Variants in MTSS1 observed in about 807,000 individuals in gnomAD.
MTSS1 encodes the protein protein MTSS 1.
Under a neutral mutation model 79.0 loss-of-function variants are expected in MTSS1, and 18 were observed. The ratio of observed to expected loss-of-function variants is 0.23; its 90% CI spans 0.16 to 0.34. The LOEUF (loss-of-function observed/expected upper bound fraction) is 0.34, where lower values mean the gene tolerates loss of function less well. Ranked by LOEUF, MTSS1 falls within the 10% of genes least tolerant of loss-of-function variation. MTSS1 has a pLI of 1.00. For synonymous variants in MTSS1, 341 were observed against 368.6 expected, an observed-to-expected ratio of 0.93 and a Z score of 0.86; for missense variants, 815 against 986.2, an observed-to-expected ratio of 0.83 and a Z score of 2.33.
intron 1 of MTSS1, among the ~76,000 whole-genome samples, chr8:124,718,613 C>T (rs942245413): frequency 2.0e-5 from 3 of 152,202 alleles, no homozygotes; most frequent in African/African-American, 7.2e-5. Context: ...TGGCTGCGTG[C>T]TCGGCTGCAG....
chr8:124,707,142 G>A (rs762597134), intron 1 of MTSS1, among the ~76,000 whole-genome samples: 8 of 152,044 alleles, frequency 5.3e-5, no homozygotes, highest in Admixed American at 1.3e-4. Context: ...ACCATCTCTC[G>A]GCTACACAAG....
At chr8:124,679,499 A>G (rs1825805504) in intron 3 of MTSS1, among the ~76,000 whole-genome samples, 1 of 152,198 alleles carries the variant, frequency 6.6e-6, no homozygotes, top group Non-Finnish European at 1.5e-5. Context: ...AAAGTTATAC[A>G]TATTAAGGTG....
Position 124,585,149 on chromosome 8 carries a change from G to C in MTSS1, c.398C>G (p.Ala133Gly). Residue 133 changes from alanine to glycine, a missense_variant, in exon 6 of 14, where the codon GCC (alanine) becomes GGC (glycine). Around this residue, in one of 2 missense-constraint regions of MTSS1, gnomAD observed 225 missense variants for 365.4 expected, o/e 0.62. Transcript: ENST00000518547. ...DKDHAKEYKK[A>G]RQEIKKKSSD... ...GGACTTCTTTTTTATCTCTTGGCGG[G>C]CTTTCTTATATTCTAAGAGAAAGCA... The C allele has an allele frequency of 6.2e-7, 1 of 1,612,894 alleles. No homozygotes were observed. Among genetic ancestry groups the C allele is most frequent in the South Asian group, 1.1e-5 (1 of 90,852 alleles).
chr8:124,614,539 G>C (rs1021112612), intron 3 of MTSS1, among the ~76,000 whole-genome samples: 1 of 152,240 alleles, frequency 6.6e-6, no homozygotes, highest in Non-Finnish European at 1.5e-5. Context: ...ACTTCACAAA[G>C]AGGCGCAGGA....
At chr8:124,616,052 C>T (rs549911842) in intron 3 of MTSS1, among the ~76,000 whole-genome samples, 21 of 152,352 alleles carry the variant, frequency 1.4e-4, no homozygotes, top group Admixed American at 5.2e-4. Flanking sequence ...CAGATCCACA[C>T]GGCTCTGGGC....
chr8:124,704,010 G>T, intron 2 of MTSS1, 120 bp downstream of exon 2: 1 of 842,700 alleles, frequency 1.2e-6, no homozygotes, highest in Non-Finnish European at 2.0e-6. Flanking sequence ...ACCCAGCACA[G>T]GCTTCCCTAT....
At chr8:124,698,934 A>G (rs1829301961) in intron 3 of MTSS1, among the ~76,000 whole-genome samples, 2 of 152,228 alleles carry the variant, frequency 1.3e-5, no homozygotes, top group African/African-American at 2.4e-5. Flanking sequence ...TGAAGCCATT[A>G]AATTTTTTTC....
Position 124,557,765 on chromosome 8 carries a change from G to A in MTSS1, c.1146C>T (p.Val382=), listed in dbSNP as rs1327179616. The stretch of plus-strand genomic sequence containing the variant: ...CGTAGTCTGGAAGGTGGACAGAGGT[G>A]ACCCGAGGGAGCAGGCGGGAGGCAG... The part of the protein sequence containing the change: ...CLPASRLLPR[V]TSVHLPDYAH... The change falls in exon 11 of 14, where the codon GTC becomes GTT. Residue 382 remains valine, a synonymous_variant. Coordinates refer to ENST00000518547, the MANE Select transcript of MTSS1 (RefSeq NM_014751.6). 1.9e-6 allele frequency: 3 copies of A among 1,605,560 alleles called. No individual in the cohort carries two copies. The Admixed American group carries it at 5.1e-5, about 27-fold the overall frequency.
chr8:124,654,797 T>TA (rs1820633456), intron 3 of MTSS1, among the ~76,000 whole-genome samples: 1 of 152,142 alleles, frequency 6.6e-6, no homozygotes, highest in Non-Finnish European at 1.5e-5. Flanking sequence ...CACAGCCCTT[T>TA]AAAATTTCCT....
chr8:124,587,198 AG>A (rs1831013109), intron 5 of MTSS1, among the ~76,000 whole-genome samples: 1 of 152,300 alleles, frequency 6.6e-6, no homozygotes, highest in African/African-American at 2.4e-5. Context: ...ATGCATCCCC[AG>A]GGCCTCAACG....
chr8:124,706,922 G>T (rs1015870364), intron 1 of MTSS1, among the ~76,000 whole-genome samples: 5 of 152,018 alleles, frequency 3.3e-5, no homozygotes, highest in Admixed American at 3.3e-4. Context: ...AAGAGATGAG[G>T]GCCAAGATCA....
At position 124,701,356 on chromosome 8, in the gene MTSS1, T is replaced by G. The variant is rs549741523; in HGVS notation, c.135-1757A>C. ...GTGCTGGAAGTAGTTCCTGGGAAAA[T>G]CTAGGCAACAGTCCCTTACAGCCAA... On this transcript the variant is annotated intron_variant, in intron 2 of 13. Transcript: ENST00000518547. Among the ~76,000 whole-genome samples the G allele has an allele frequency of 8.5e-5, 13 of 152,282 alleles. No individual in the cohort carries two copies. In the South Asian group the frequency reaches 2.7e-3, roughly 32 times the overall value.
At chr8:124,608,483 A>G (rs1321462578) in intron 3 of MTSS1, among the ~76,000 whole-genome samples, 4 of 152,156 alleles carry the variant, frequency 2.6e-5, no homozygotes, top group African/African-American at 9.7e-5. Flanking sequence ...ACTGCAGAGA[A>G]CCAGTAGGGT....
At chr8:124,624,335 G>A (rs528713523) in intron 3 of MTSS1, among the ~76,000 whole-genome samples, 3 of 152,260 alleles carry the variant, frequency 2.0e-5, no homozygotes, top group East Asian at 3.9e-4. Flanking sequence ...AGCAGGGAAG[G>A]GACGTTTTCA....
chr8:124,682,234 A>C (rs1177451274), intron 3 of MTSS1, among the ~76,000 whole-genome samples: 1 of 13,596 alleles, frequency 7.4e-5, no homozygotes, highest in East Asian at 2.3e-3. Context: ...TCTTTAAGTG[A>C]AGTCAGAGCA....
chr8:124,570,508 TGTTA>T (rs1827522988), intron 6 of MTSS1, among the ~76,000 whole-genome samples: 1 of 152,220 alleles, frequency 6.6e-6, no homozygotes, highest in Non-Finnish European at 1.5e-5. Flanking sequence ...TTATTATTGT[TGTTA>T]ATCTCTTACT....
At chr8:124,657,387 A>T (rs1821150871) in intron 3 of MTSS1, among the ~76,000 whole-genome samples, 1 of 152,002 alleles carries the variant, frequency 6.6e-6, no homozygotes, top group Non-Finnish European at 1.5e-5. Flanking sequence ...ACTTCCCATA[A>T]TAAAGTGTTG....
intron 3 of MTSS1, among the ~76,000 whole-genome samples, chr8:124,663,219 T>C (rs1329303136): frequency 1.3e-5 from 2 of 152,160 alleles, no homozygotes; most frequent in Non-Finnish European, 2.9e-5. Flanking sequence ...GCTGTAAGTT[T>C]TTCCTGAGGC....
intron 3 of MTSS1, among the ~76,000 whole-genome samples, chr8:124,604,927 C>T (rs1834535319): frequency 6.6e-6 from 1 of 152,224 alleles, no homozygotes; most frequent in Non-Finnish European, 1.5e-5. Context: ...CTGGCATGCA[C>T]CGTACTGGCA....
Sources: allele counts gnomAD v4.1 joint callset (sites outside exome capture counted in the v4.1 genomes callset), GRCh38; gene constraint gnomAD v4.1.1; regional missense constraint gnomAD v4.1.1; transcripts MANE v1.5; gene names NCBI Gene and HGNC (gene_info 2026-07-23, HGNC 2026-07-21).